Variants in ZNF692 observed in about 807,000 individuals in gnomAD.
ZNF692 encodes the protein AICAR responsive element binding protein.
Under a neutral mutation model 49.0 loss-of-function variants are expected in ZNF692, and 41 were observed. The ratio of observed to expected loss-of-function variants is 0.84; its 90% CI spans 0.65 to 1.08. The LOEUF (loss-of-function observed/expected upper bound fraction) is 1.08. Among genes scored for constraint, ZNF692 ranks in the 50% least tolerant of loss-of-function variants. ZNF692 has a pLI of 0.00. For missense variants in ZNF692, 662 were observed against 662.2 expected, an observed-to-expected ratio of 1.00 and a Z score of 0.00; for synonymous variants, 288 against 251.5, an observed-to-expected ratio of 1.15 and a Z score of -1.37.
chr1:248,854,124 G>T, intron 9 of ZNF692, 73 bp from the exon 10 acceptor site: 2 of 1,156,740 alleles, frequency 1.7e-6, no homozygotes, highest in Non-Finnish European at 2.6e-6. Context: ...GATGAACTGA[G>T]CTGACCCGGC....
chr1:248,855,692 C>T (rs374297190), intron 7 of ZNF692, 33 bp downstream of exon 7: 2 of 1,614,148 alleles, frequency 1.2e-6, no homozygotes, highest in Admixed American at 1.7e-5. Flanking sequence ...TCCCAGGACG[C>T]CCCTGCCCTT....
At chr1:248,855,244 A>G in intron 9 of ZNF692, 136 bp downstream of exon 9, 1 of 784,974 alleles carries the variant, frequency 1.3e-6, no homozygotes, top group Non-Finnish European at 2.1e-6. Flanking sequence ...GAGGACCAAA[A>G]GACTTTATAC....
At chr1:248,857,891 C>G in intron 2 of ZNF692, 32 bp from the exon 3 acceptor site, 1 of 1,611,258 alleles carries the variant, frequency 6.2e-7, no homozygotes, top group Non-Finnish European at 8.5e-7. Flanking sequence ...GGTCAGGACT[C>G]AGGTGGCCAG....
Position 248,855,797 on chromosome 1 carries a change from G to A in ZNF692, c.809C>T (p.Pro270Leu), listed in dbSNP as rs760971005. The change falls in exon 7 of 12, where the codon CCT (proline) becomes CTT (leucine). Residue 270 changes from proline (P) to leucine (L), a missense_variant. Transcript: ENST00000306601. ...ASSLSSRAPP[P>L]AEVRVQPQLS... ...CTGTGGCTGCACCCTGACTTCTGCA[G>A]GTGGAGGAGCTCTGGAACTCAATGA... The A allele has an allele frequency of 3.2e-5, 52 of 1,614,112 alleles. No homozygotes were observed. Among genetic ancestry groups the A allele is most frequent in the Non-Finnish European group, 4.3e-5 (51 of 1,180,056 alleles).
chr1:248,856,619 CAT>C (rs1171328280), intron 4 of ZNF692, 57 bp from the exon 5 acceptor site: 4 of 1,606,108 alleles, frequency 2.5e-6, no homozygotes, highest in South Asian at 1.1e-5. Flanking sequence ...GATGAGGACA[CAT>C]AAAGTTCTAA....
At chr1:248,854,837 C>T (rs1660044559) in intron 9 of ZNF692, among the ~76,000 whole-genome samples, 1 of 152,152 alleles carries the variant, frequency 6.6e-6, no homozygotes, top group Admixed American at 6.5e-5. Flanking sequence ...GTCATTTTCC[C>T]TTTTCACTTG....
chr1:248,857,376 C>T lies in ZNF692; in HGVS notation c.333G>A (p.Val111=), dbSNP rs527864728. ...RGPGGQDGGL[V]WECSAGHTFS... Reference sequence around the variant, plus strand: ...AGGTATGGCCTGCTGAGCACTCCCACACAAGCCCCCCATCTTGGCCGCCAG... The same window carrying T: ...AGGTATGGCCTGCTGAGCACTCCCATACAAGCCCCCCATCTTGGCCGCCAG... Residue 111 remains valine, a synonymous_variant, in exon 4 of 12, where the codon GTG becomes GTA. Transcript: ENST00000306601. 62 of 1,614,180 alleles carry T rather than the reference C, an allele frequency of 3.8e-5. No individual in the cohort carries two copies. The highest frequency in any genetic ancestry group is 5.2e-5 in the Non-Finnish European group (61 of 1,180,024).
chr1:248,850,598 G>C lies in ZNF692; in HGVS notation c.1254-82C>G, dbSNP rs1659448084. On this transcript the variant is annotated intron_variant, in intron 11 of 11. Transcript: ENST00000306601. ...TAGGGGGTTCCTCCTGCTCCCCACT[G>C]CCTAGGTGTCCTATATGCCTAGCTT... 3.8e-6 allele frequency: 6 copies of C among 1,597,978 alleles called. No homozygotes were observed. The African/African-American group carries it at 4.0e-5, about 11-fold the overall frequency.
In ZNF692 at chr1:248,858,323, T is replaced by G; in HGVS notation, c.-12-2A>C. On this transcript the variant is annotated splice_acceptor_variant, in intron 1 of 11. Coordinates refer to ENST00000306601, the MANE Select transcript of ZNF692 (RefSeq NM_017865.4). LOFTEE classifies it low-confidence loss of function (5UTR_SPLICE). The surrounding 1 kb of genome is among the most constrained non-coding windows in gnomAD (Gnocchi z 4.3). ...GGAGGAAGCCATGTGCACCAGAGGC[T>G]GGAGGGTGGAAGGGACGTCTTCAGC... The G allele has an allele frequency of 6.5e-7, 1 of 1,547,900 alleles. No individual in the cohort carries two copies. The highest frequency in any genetic ancestry group is 1.2e-5 in the South Asian group (1 of 84,428).
At position 248,854,122 on chromosome 1, in the gene ZNF692, G is replaced by A. The variant is rs111488830; in HGVS notation, c.1039-71C>T. On this transcript the variant is annotated intron_variant, in intron 9 of 11. Transcript: ENST00000306601. ...GCCACCTTCCACGGAGAGATGAACT[G>A]AGCTGACCCGGCAGGCATGCTCCTC... 8.6e-4 allele frequency: 1,012 copies of A among 1,173,996 alleles called. 5 individuals are homozygous for A. The African/African-American group carries it at 0.013, about 16-fold the overall frequency. 72.7% of individuals were successfully genotyped at this position (1,173,996 alleles called of 1,614,324 possible).
At position 248,850,172 on chromosome 1, in the gene ZNF692, T is replaced by C. The variant is rs761544359; in HGVS notation, c.*38A>G. ...CTCCTTGTTGCTCCTTTTCAGTCCCTGGAGTCTGGCTTCCCAAAGCCAAAG... is the reference window on the plus strand; with the variant it reads ...CTCCTTGTTGCTCCTTTTCAGTCCCCGGAGTCTGGCTTCCCAAAGCCAAAG... On this transcript the variant is annotated 3_prime_UTR_variant, in exon 12 of 12. Transcript: ENST00000306601. 2 of 1,509,056 alleles carry C rather than the reference T, an allele frequency of 1.3e-6. No individual in the cohort carries two copies. Among genetic ancestry groups the C allele is most frequent in the Non-Finnish European group, 8.9e-7 (1 of 1,129,712 alleles). The allele number at this position is 1,509,056 out of a possible 1,614,324, so 93.5% of individuals were successfully genotyped here.
At chr1:248,850,579 G>A in intron 11 of ZNF692, 63 bp from the exon 12 acceptor site, 2 of 1,591,890 alleles carry the variant, frequency 1.3e-6, no homozygotes, top group Non-Finnish European at 8.6e-7. Flanking sequence ...TCCCTAGGGG[G>A]TTCCTCCTGC....
chr1:248,853,864 A>G, intron 10 of ZNF692, 73 bp downstream of exon 10: 1 of 1,228,770 alleles, frequency 8.1e-7, no homozygotes, highest in Non-Finnish European at 1.2e-6. Flanking sequence ...AGAAACCCAC[A>G]GAGCCCAGGG....
chr1:248,850,551 C>T (rs748264891), intron 11 of ZNF692, 35 bp from the exon 12 acceptor site: 230 of 1,591,880 alleles, frequency 1.4e-4, no homozygotes, highest in Middle Eastern at 1.3e-3. Context: ...AGGAACAAGG[C>T]CTCAGGCCAT....
In ZNF692 at chr1:248,858,214, G is replaced by A. The variant is rs1660474337; in HGVS notation, c.96C>T (p.Gly32=). ...ARRSKCRIRL[G]GHMEQWCLLK... ...GGAGGCACCACTGCTCCATGTGGCCGCCCAGGCGGATGCGGCACTTGCTGC... is the reference window on the plus strand; with the variant it reads ...GGAGGCACCACTGCTCCATGTGGCCACCCAGGCGGATGCGGCACTTGCTGC... The change falls in exon 2 of 12, where the codon GGC becomes GGT. Residue 32 remains glycine, a synonymous_variant. Transcript: ENST00000306601. This position sits in a 1 kb window ranked among gnomAD's most constrained non-coding sequence, Gnocchi z 4.3. 1.3e-6 allele frequency: 2 copies of A among 1,591,994 alleles called. No homozygotes were observed. Among genetic ancestry groups the A allele is most frequent in the East Asian group, 2.3e-5 (1 of 44,384 alleles).
chr1:248,852,370 A>C (rs954993516), intron 10 of ZNF692, among the ~76,000 whole-genome samples: 2 of 152,110 alleles, frequency 1.3e-5, no homozygotes, highest in African/African-American at 4.8e-5. Flanking sequence ...GTGTCTATAT[A>C]AACAACTGCT....
chr1:248,857,283 A>G lies in ZNF692; in HGVS notation c.426T>C (p.Thr142=), dbSNP rs751602790. ...CCTCGGAACACCAACTTCTCCGAGT[A>G]GTATGTGGAAGGGAGGCTGGCTTGG... The part of the protein sequence containing the change: ...EAPKPASLPH[T]TRRSWCSEAT... Residue 142 remains threonine, a synonymous_variant, in exon 4 of 12, where the codon ACT becomes ACC. Transcript: ENST00000306601. 1.9e-5 allele frequency: 30 copies of G among 1,613,990 alleles called. No homozygotes were observed. The Admixed American group carries it at 4.7e-4, about 25-fold the overall frequency.
At position 248,855,396 on chromosome 1, in the gene ZNF692, T is replaced by C. The variant is rs778937632; in HGVS notation, c.1022A>G (p.Asn341Ser). ...DFPGCGRIFS[N>S]RQYLNHHKKY... ...GCCCCTCACATTCAAATACTGCCGG[T>C]TGGAGAAGATCCTTCCACAGCCAGG... Residue 341 changes from asparagine to serine, a missense_variant, in exon 9 of 12, where the codon AAC becomes AGC. Physicochemically the swap from Asn to Ser is conservative, Grantham distance 46 (BLOSUM62 1). Transcript: ENST00000306601. The C allele has an allele frequency of 6.2e-7, 1 of 1,614,026 alleles. No individual in the cohort carries two copies. The highest frequency in any genetic ancestry group is 8.5e-7 in the Non-Finnish European group (1 of 1,180,010).
chr1:248,854,181 CT>C (rs1189014953), intron 9 of ZNF692, 130 bp from the exon 10 acceptor site: 9 of 678,330 alleles, frequency 1.3e-5, no homozygotes, highest in Non-Finnish European at 2.4e-5. Context: ...CCCAGCAGTT[CT>C]CCCTGTCATG....
Sources: gnomAD v4.1 joint callset for allele counts (sites outside exome capture counted in the v4.1 genomes callset) on GRCh38, gnomAD v4.1.1 for gene constraint, Gnocchi (gnomAD v3.1) non-coding constraint, MANE v1.5 for transcripts, NCBI Gene and HGNC (gene_info 2026-07-23, HGNC 2026-07-21) for gene names.